FOXJ3: variants seen among roughly 807,000 people sequenced by gnomAD.
FOXJ3 encodes forkhead box J3, also known as forkhead box protein J3.
In FOXJ3, 22 loss-of-function variants were observed where a neutral mutation model predicts 76.1. The ratio of observed to expected loss-of-function variants is 0.29; its 90% confidence interval spans 0.21 to 0.41. The LOEUF (loss-of-function observed/expected upper bound fraction) is 0.41, where lower values mean the gene tolerates loss of function less well. Among genes scored for constraint, FOXJ3 ranks in the 10% least tolerant of loss-of-function variants. FOXJ3 has a pLI of 1.00. For synonymous variants in FOXJ3, 269 were observed against 261.2 expected (o/e 1.03, Z -0.29); for missense variants, 613 against 762.1 (o/e 0.80, Z 2.30).
chr1:42,292,113 T>G (rs1206747308), intron 2 of FOXJ3, among the ~76,000 whole-genome samples: 1 of 150,448 alleles, frequency 6.6e-6, no homozygotes, highest in African/African-American at 2.5e-5. Flanking sequence ...TAAAGAGGGG[T>G]TGCAAAGAAA....
rs867097717 is a variant in FOXJ3 at position 42,256,922 on chromosome 1, T to C, written c.444+8193A>G. ...ACAAGTGATATATGTAGCAGCATTA[T>C]AGACATTATGCTGAGTGAAAGACAC... On this transcript the variant is annotated intron_variant, in intron 4 of 12. Transcript: ENST00000361346. Among the ~76,000 whole-genome samples, 31 of 152,342 alleles carry C rather than the reference T, an allele frequency of 2.0e-4. 1 individual carries two copies. Among genetic ancestry groups the C allele is most frequent in the South Asian group, 1.2e-3 (6 of 4,822 alleles).
At chr1:42,290,942 A>G (rs1456906892) in intron 2 of FOXJ3, among the ~76,000 whole-genome samples, 1 of 152,158 alleles carries the variant, frequency 6.6e-6, no homozygotes, top group Admixed American at 6.6e-5. Flanking sequence ...TCAGATTTCA[A>G]GGTTTACTGT....
chr1:42,211,924 T>G (rs897580784), intron 5 of FOXJ3, among the ~76,000 whole-genome samples: 1 of 151,934 alleles, frequency 6.6e-6, no homozygotes, highest in East Asian at 1.9e-4. Context: ...AGCTAAGAAA[T>G]GAAAAGACAC....
At chr1:42,304,630 C>G (rs1654350678) in intron 2 of FOXJ3, among the ~76,000 whole-genome samples, 3 of 152,048 alleles carry the variant, frequency 2.0e-5, no homozygotes, top group Non-Finnish European at 4.4e-5. Flanking sequence ...TCAAAGGTTC[C>G]AAGAGCATAC....
At chr1:42,282,179 GAGAAATCTGGTTAT>G (rs1652767863) in intron 2 of FOXJ3, among the ~76,000 whole-genome samples, 1 of 152,108 alleles carries the variant, frequency 6.6e-6, no homozygotes, top group Non-Finnish European at 1.5e-5. Context: ...GGGAGGCTGG[GAGAAATCTGGTTAT>G]GGAAATCTGG....
intron 1 of FOXJ3, among the ~76,000 whole-genome samples, chr1:42,314,888 C>T (rs1017580223): frequency 1.3e-5 from 2 of 152,206 alleles, no homozygotes; most frequent in Admixed American, 6.5e-5. Context: ...TGCAGCACTA[C>T]TCATAAAGCC....
chr1:42,202,501 T>C (rs1646782409), intron 6 of FOXJ3, among the ~76,000 whole-genome samples: 1 of 152,216 alleles, frequency 6.6e-6, no homozygotes, highest in South Asian at 2.1e-4. Context: ...AATCCGGATC[T>C]ATGCAAAGGA....
intron 8 of FOXJ3, among the ~76,000 whole-genome samples, chr1:42,192,280 G>GTA (rs753796936): frequency 6.6e-6 from 1 of 152,114 alleles, no homozygotes; most frequent in Non-Finnish European, 1.5e-5. Context: ...ATAGGGAAGG[G>GTA]GCATAGGCTG....
At chr1:42,292,565 C>T (rs1364574629) in intron 2 of FOXJ3, among the ~76,000 whole-genome samples, 1 of 152,056 alleles carries the variant, frequency 6.6e-6, no homozygotes, top group African/African-American at 2.4e-5. Context: ...TTGTATGATA[C>T]CATTTATGTA....
intron 2 of FOXJ3, among the ~76,000 whole-genome samples, chr1:42,286,742 T>C (rs1254919774): frequency 6.6e-6 from 1 of 152,092 alleles, no homozygotes; most frequent in Non-Finnish European, 1.5e-5. Context: ...CAAGCGATTC[T>C]CTTGCCTCAG....
In FOXJ3 at chr1:42,176,557, CATAAT is replaced by C. The variant is rs773336490; in HGVS notation, c.*3148_*3152del. 10 of 152,764 alleles carry C rather than the reference CATAAT, an allele frequency of 6.5e-5. No homozygotes were observed. The highest frequency in any genetic ancestry group is 2.0e-4 in the Admixed American group (3 of 15,304). The allele number at this position is 152,764 out of a possible 1,614,324, so 9.5% of individuals were successfully genotyped here. On this transcript the variant is annotated 3_prime_UTR_variant, in exon 13 of 13. Coordinates refer to ENST00000361346, the MANE Select transcript of FOXJ3 (RefSeq NM_014947.5). ...CAATCAGTGTTGTAAATAGAGTTAA[CATAAT>C]ATATTTATTTTAAGTGCCATTCATG...
At chr1:42,182,943 A>AC (rs1428413780) in intron 11 of FOXJ3, among the ~76,000 whole-genome samples, 6 of 152,086 alleles carry the variant, frequency 3.9e-5, no homozygotes, top group Admixed American at 2.6e-4. Flanking sequence ...AAAGATCTGC[A>AC]CATGGTAAAA....
intron 7 of FOXJ3, among the ~76,000 whole-genome samples, chr1:42,198,748 G>GAC (rs1291713983): frequency 6.6e-6 from 1 of 152,140 alleles, no homozygotes; most frequent in Non-Finnish European, 1.5e-5. Context: ...AAACCATGTT[G>GAC]ACACACACAT....
At chr1:42,231,233 G>A (rs1352809087) in intron 4 of FOXJ3, among the ~76,000 whole-genome samples, 1 of 152,152 alleles carries the variant, frequency 6.6e-6, no homozygotes. Context: ...GGCTGAGGCA[G>A]GAGAATGGCG....
At chr1:42,277,151 T>TA (rs1652325034) in intron 3 of FOXJ3, among the ~76,000 whole-genome samples, 1 of 65,340 alleles carries the variant, frequency 1.5e-5, no homozygotes, top group Non-Finnish European at 3.3e-5. Context: ...TAAATATTTT[T>TA]TAAAAGTCTT....
chr1:42,271,028 C>G (rs904833031), intron 3 of FOXJ3, among the ~76,000 whole-genome samples: 2 of 152,120 alleles, frequency 1.3e-5, no homozygotes, highest in African/African-American at 4.8e-5. Context: ...CTGCTCTCAA[C>G]TTTCTAACTT....
At chr1:42,250,798 CAA>C (rs61431089) in intron 4 of FOXJ3, among the ~76,000 whole-genome samples, 4 of 23,786 alleles carry the variant, frequency 1.7e-4, no homozygotes, top group African/African-American at 5.2e-4. Context: ...AACTCCATCT[CAA>C]AAAAAAAAAA....
chr1:42,323,681 T>C (rs769727631), intron 1 of FOXJ3: 55 of 982,190 alleles, frequency 5.6e-5, no homozygotes, highest in Non-Finnish European at 6.2e-5. Flanking sequence ...GCCTCTTAAT[T>C]ACCTTTGGAT....
intron 4 of FOXJ3, among the ~76,000 whole-genome samples, chr1:42,239,220 C>G (rs1254096073): frequency 6.6e-6 from 1 of 151,522 alleles, no homozygotes; most frequent in Non-Finnish European, 1.5e-5. Flanking sequence ...TTACATTATT[C>G]TTTTTCAATC....
Sources: gnomAD v4.1 joint callset for allele counts (sites outside exome capture counted in the v4.1 genomes callset) on GRCh38, gnomAD v4.1.1 for gene constraint, MANE v1.5 for transcripts, NCBI Gene and HGNC (gene_info 2026-07-23, HGNC 2026-07-21) for gene names.